OXCT1: variants seen among roughly 807,000 people sequenced by gnomAD.
The protein encoded by OXCT1 is succinyl-CoA:3-ketoacid coenzyme A transferase 1, mitochondrial.
Under a neutral mutation model 69.6 loss-of-function variants are expected in OXCT1, and 27 were observed. That is an observed-to-expected ratio of 0.39 (90% CI 0.29 to 0.54). The LOEUF is 0.54. OXCT1 is among the 20% of genes least tolerant of loss of function. OXCT1 has a pLI of 0.72. For missense variants in OXCT1, 437 were observed against 650.2 expected, an observed-to-expected ratio of 0.67 and a Z score of 3.57; for synonymous variants, 202 against 217.8, an observed-to-expected ratio of 0.93 and a Z score of 0.64.
intron 12 of OXCT1, chr5:41,794,430 T>C (rs913614337): frequency 1.7e-6 from 1 of 598,768 alleles, no homozygotes; most frequent in Non-Finnish European, 3.0e-6. Context: ...ACCTTAGAAA[T>C]GTTTATTTCA....
At chr5:41,742,115 C>T (rs1332172187) in intron 15 of OXCT1, among the ~76,000 whole-genome samples, 2 of 152,022 alleles carry the variant, frequency 1.3e-5, no homozygotes, top group Non-Finnish European at 2.9e-5. Context: ...TTTAAGGCTT[C>T]AGTAATCAGG....
chr5:41,804,674 C>A (rs914432114), intron 9 of OXCT1, among the ~76,000 whole-genome samples: 3 of 151,686 alleles, frequency 2.0e-5, no homozygotes, highest in African/African-American at 7.3e-5. Flanking sequence ...CACCATAACA[C>A]AAGGTATAAA....
chr5:41,745,489 G>T (rs1743431112), intron 15 of OXCT1, among the ~76,000 whole-genome samples: 2 of 152,130 alleles, frequency 1.3e-5, no homozygotes, highest in African/African-American at 4.8e-5. Flanking sequence ...ACGATTAAAA[G>T]AACTAGAGAA....
At chr5:41,788,186 A>G (rs1175976552) in intron 13 of OXCT1, among the ~76,000 whole-genome samples, 1 of 152,198 alleles carries the variant, frequency 6.6e-6, no homozygotes, top group East Asian at 1.9e-4. Flanking sequence ...TATTACTTGA[A>G]GTAGATTGTG....
chr5:41,858,221 T>C (rs1212541756), intron 3 of OXCT1, among the ~76,000 whole-genome samples: 2 of 152,196 alleles, frequency 1.3e-5, no homozygotes, highest in Admixed American at 1.3e-4. Flanking sequence ...CAGCTTACAA[T>C]GAGAGTGTTT....
At chr5:41,779,469 C>T (rs1257865399) in intron 13 of OXCT1, among the ~76,000 whole-genome samples, 1 of 152,132 alleles carries the variant, frequency 6.6e-6, no homozygotes, top group Non-Finnish European at 1.5e-5. Context: ...TCTCCATCAT[C>T]ACAGTGAGTT....
intron 13 of OXCT1, among the ~76,000 whole-genome samples, chr5:41,769,897 T>C (rs943209459): frequency 1.3e-5 from 2 of 152,186 alleles, no homozygotes; most frequent in African/African-American, 4.8e-5. Flanking sequence ...TAGCTGGGGT[T>C]ACAGGCACGC....
chr5:41,792,655 A>G (rs1324261378), intron 13 of OXCT1, among the ~76,000 whole-genome samples: 1 of 152,206 alleles, frequency 6.6e-6, no homozygotes, highest in Non-Finnish European at 1.5e-5. Flanking sequence ...TGAAGCAATC[A>G]AAAGCTGCTA....
At chr5:41,811,060 A>T (rs1159712786) in intron 7 of OXCT1, among the ~76,000 whole-genome samples, 1 of 150,564 alleles carries the variant, frequency 6.6e-6, no homozygotes, top group African/African-American at 2.4e-5. Flanking sequence ...ATCATGAGAA[A>T]CATTAACTCC....
intron 6 of OXCT1, 118 bp from the exon 7 acceptor site, chr5:41,840,629 C>CA (rs1002119979): frequency 1.5e-4 from 99 of 653,876 alleles, no homozygotes; most frequent in Non-Finnish European, 3.6e-5. Flanking sequence ...AGAATCTTTC[C>CA]AAAAAGAGTG....
At chr5:41,816,731 T>C (rs1180598889) in intron 7 of OXCT1, among the ~76,000 whole-genome samples, 2 of 152,142 alleles carry the variant, frequency 1.3e-5, no homozygotes, top group African/African-American at 4.8e-5. Flanking sequence ...TTAAGATCAC[T>C]ATCTCTCCTT....
chr5:41,817,984 C>T (rs1747330099), intron 7 of OXCT1, among the ~76,000 whole-genome samples: 1 of 152,158 alleles, frequency 6.6e-6, no homozygotes, highest in Admixed American at 6.6e-5. Context: ...CTTTCTTAGA[C>T]CATGGCAGGA....
chr5:41,754,996 T>C (rs1453285625), intron 14 of OXCT1, among the ~76,000 whole-genome samples: 3 of 152,048 alleles, frequency 2.0e-5, no homozygotes, highest in Non-Finnish European at 1.5e-5. Context: ...ATCATTATCA[T>C]AGACATACTT....
chr5:41,776,702 A>G (rs767190198), intron 13 of OXCT1, among the ~76,000 whole-genome samples: 1 of 152,254 alleles, frequency 6.6e-6, no homozygotes, highest in Non-Finnish European at 1.5e-5. Context: ...GTATGCTAGC[A>G]TAACAAAGTC....
At position 41,731,058 on chromosome 5, in the gene OXCT1, A is replaced by G. The variant is rs1235073751; in HGVS notation, c.*671T>C. 6.6e-6 allele frequency: 1 copy of G among 152,454 alleles called. No individual in the cohort carries two copies. The highest frequency in any genetic ancestry group is 6.5e-5 in the Admixed American group (1 of 15,290). 9.4% of individuals were successfully genotyped at this position (152,454 alleles called of 1,614,324 possible). ...GAATACTGGGCTGTTTTAAAATGAG[A>G]AAACTGAGAAGAATCAGTTAGGTTT... On this transcript the variant is annotated 3_prime_UTR_variant, in exon 17 of 17. Coordinates refer to ENST00000196371, the MANE Select transcript of OXCT1 (RefSeq NM_000436.4).
chr5:41,746,282 C>T (rs1456007844), intron 15 of OXCT1, among the ~76,000 whole-genome samples: 2 of 152,088 alleles, frequency 1.3e-5, no homozygotes, highest in Non-Finnish European at 2.9e-5. Flanking sequence ...AGCATATAAA[C>T]AGAACCAAGG....
intron 14 of OXCT1, among the ~76,000 whole-genome samples, chr5:41,754,059 G>A (rs1743941062): frequency 6.6e-6 from 1 of 152,028 alleles, no homozygotes; most frequent in East Asian, 1.9e-4. Context: ...AAAGTTAAGA[G>A]AGAAACAGTG....
intron 5 of OXCT1, among the ~76,000 whole-genome samples, chr5:41,847,602 C>G (rs2112432323): frequency 6.6e-6 from 1 of 151,566 alleles, no homozygotes; most frequent in Admixed American, 6.6e-5. Context: ...GGGCTTCATC[C>G]CTGGGATGCA....
intron 10 of OXCT1, among the ~76,000 whole-genome samples, chr5:41,801,515 A>C (rs1209920153): frequency 6.6e-6 from 1 of 152,090 alleles, no homozygotes; most frequent in Non-Finnish European, 1.5e-5. Flanking sequence ...ACATAGTGAC[A>C]CCCCATTCTC....
Sources: allele counts gnomAD v4.1 joint callset (sites outside exome capture counted in the v4.1 genomes callset), GRCh38; gene constraint gnomAD v4.1.1; transcripts MANE v1.5; gene names NCBI Gene and HGNC (gene_info 2026-07-23, HGNC 2026-07-21).